The following GABRB1 variants were observed in gnomAD, a reference collection of about 807,000 sequenced individuals.
The protein encoded by GABRB1 is gamma-aminobutyric acid receptor subunit beta-1.
GABRB1 carries 17 observed loss-of-function variants against 51.6 expected under a neutral mutation model. The ratio of observed to expected loss-of-function variants is 0.33; its 90% confidence interval spans 0.23 to 0.49. The LOEUF is 0.49. Among genes scored for constraint, GABRB1 ranks in the 20% least tolerant of loss-of-function variants. GABRB1 has a pLI of 0.99. For missense variants in GABRB1, 410 were observed against 600.6 expected, an observed-to-expected ratio of 0.68 and a Z score of 3.32; for synonymous variants, 247 against 218.9, an observed-to-expected ratio of 1.13 and a Z score of -1.14.
chr4:47,069,761 T>G (rs890767048), intron 3 of GABRB1, among the ~76,000 whole-genome samples: 1 of 152,166 alleles, frequency 6.6e-6, no homozygotes, highest in Admixed American at 6.6e-5. Flanking sequence ...TTTGCCATGG[T>G]GCATTTTTAT....
intron 4 of GABRB1, among the ~76,000 whole-genome samples, chr4:47,164,155 C>A: frequency 6.6e-6 from 1 of 151,938 alleles, no homozygotes; most frequent in East Asian, 1.9e-4. Flanking sequence ...CCCACCGGGC[C>A]CTCCCTTGAC....
chr4:47,142,513 C>T (rs1233154347), intron 3 of GABRB1, among the ~76,000 whole-genome samples: 1 of 151,746 alleles, frequency 6.6e-6, no homozygotes, highest in Non-Finnish European at 1.5e-5. Flanking sequence ...CATGAGGAGC[C>T]ATTTAAGCAA....
chr4:47,189,764 T>C (rs1056010340), intron 4 of GABRB1, among the ~76,000 whole-genome samples: 5 of 152,160 alleles, frequency 3.3e-5, no homozygotes, highest in African/African-American at 1.2e-4. Flanking sequence ...GTACCTGTTT[T>C]TATTCACCTT....
intron 3 of GABRB1, among the ~76,000 whole-genome samples, chr4:47,102,929 G>C (rs1441460479): frequency 6.6e-6 from 1 of 151,940 alleles, no homozygotes; most frequent in Non-Finnish European, 1.5e-5. Flanking sequence ...ATATAAAATG[G>C]GGGTAGAATT....
intron 4 of GABRB1, among the ~76,000 whole-genome samples, chr4:47,282,808 A>C (rs758549103): frequency 1.3e-5 from 2 of 152,222 alleles, no homozygotes; most frequent in Non-Finnish European, 2.9e-5. Flanking sequence ...TAATGTTGGA[A>C]CTAGTAAGGT....
chr4:47,316,255 G>A (rs1330261738), intron 4 of GABRB1, among the ~76,000 whole-genome samples: 1 of 151,288 alleles, frequency 6.6e-6, no homozygotes, highest in African/African-American at 2.4e-5. Flanking sequence ...CCTTTTTTAG[G>A]TCTTTGGTAA....
At chr4:47,328,337 T>G (rs557916437) in intron 5 of GABRB1, among the ~76,000 whole-genome samples, 1 of 152,310 alleles carries the variant, frequency 6.6e-6, no homozygotes, top group South Asian at 2.1e-4. Context: ...TTTGTCAATT[T>G]TGTCTTTTGT....
chr4:47,197,271 T>C (rs1227263605), intron 4 of GABRB1, among the ~76,000 whole-genome samples: 2 of 152,228 alleles, frequency 1.3e-5, no homozygotes, highest in Admixed American at 1.3e-4. Flanking sequence ...GATCTACAGT[T>C]GGTTTTGTGC....
chr4:47,283,221 G>T (rs559479794), intron 4 of GABRB1, among the ~76,000 whole-genome samples: 9 of 151,890 alleles, frequency 5.9e-5, no homozygotes, highest in Non-Finnish European at 1.5e-5. Context: ...GAGCTGGATA[G>T]GATTATTAAA....
At chr4:47,257,202 G>A (rs1021241648) in intron 4 of GABRB1, among the ~76,000 whole-genome samples, 4 of 152,136 alleles carry the variant, frequency 2.6e-5, no homozygotes, top group Non-Finnish European at 5.9e-5. Context: ...CAACAAAGTA[G>A]AATAGGACCT....
chr4:47,073,200 C>T (rs978913213), intron 3 of GABRB1, among the ~76,000 whole-genome samples: 7 of 152,106 alleles, frequency 4.6e-5, no homozygotes, highest in Non-Finnish European at 7.4e-5. Context: ...TCATCAATGA[C>T]GTTGCTGGAA....
intron 3 of GABRB1, among the ~76,000 whole-genome samples, chr4:47,138,171 A>G (rs1716758214): frequency 2.0e-5 from 3 of 152,182 alleles, no homozygotes; most frequent in South Asian, 4.1e-4. Flanking sequence ...CCTGCTGGGC[A>G]TTTAGGGAAG....
At chr4:47,195,089 G>A (rs555894901) in intron 4 of GABRB1, among the ~76,000 whole-genome samples, 3 of 152,234 alleles carry the variant, frequency 2.0e-5, no homozygotes, top group Middle Eastern at 3.4e-3. Context: ...ATCCTGGGCC[G>A]GGCCCGGTGG....
chr4:47,280,217 TAGC>T (rs1723230591), intron 4 of GABRB1, among the ~76,000 whole-genome samples: 1 of 151,988 alleles, frequency 6.6e-6, no homozygotes. Flanking sequence ...CTTATACTAA[TAGC>T]AGGCTATTTT....
intron 3 of GABRB1, among the ~76,000 whole-genome samples, chr4:47,150,879 G>A (rs935061190): frequency 1.3e-5 from 2 of 151,756 alleles, no homozygotes; most frequent in Non-Finnish European, 2.9e-5. Flanking sequence ...TAGAAGGAGA[G>A]AGAAAACCAC....
At chr4:47,117,540 C>T (rs984463881) in intron 3 of GABRB1, among the ~76,000 whole-genome samples, 7 of 152,154 alleles carry the variant, frequency 4.6e-5, no homozygotes, top group African/African-American at 1.2e-4. Context: ...CCCAATATGC[C>T]GTTCAGGAGC....
At chr4:47,260,471 T>C (rs1397711992) in intron 4 of GABRB1, among the ~76,000 whole-genome samples, 1 of 152,208 alleles carries the variant, frequency 6.6e-6, no homozygotes, top group Non-Finnish European at 1.5e-5. Flanking sequence ...GTACCAGTTG[T>C]TCCTTTCCAT....
intron 1 of GABRB1, among the ~76,000 whole-genome samples, chr4:47,001,211 G>T (rs534161065): frequency 1.3e-5 from 2 of 151,964 alleles, no homozygotes; most frequent in Non-Finnish European, 2.9e-5. Context: ...GGCGCGATCT[G>T]GGCTCACTGC....
At chr4:47,412,612 C>G (rs1340863015) in intron 8 of GABRB1, among the ~76,000 whole-genome samples, 1 of 152,118 alleles carries the variant, frequency 6.6e-6, no homozygotes, top group Non-Finnish European at 1.5e-5. Context: ...CTGGGAGTAA[C>G]GCCCAAGGTT....
Sources: allele counts gnomAD v4.1 joint callset (sites outside exome capture counted in the v4.1 genomes callset), GRCh38; gene constraint gnomAD v4.1.1; transcripts MANE v1.5; gene names NCBI Gene and HGNC (gene_info 2026-07-23, HGNC 2026-07-21).